The following VAV3 variants were observed in gnomAD, a reference collection of about 807,000 sequenced individuals.
The protein encoded by VAV3 is vav guanine nucleotide exchange factor 3.
Under a neutral mutation model 131.2 loss-of-function variants are expected in VAV3, and 94 were observed. The ratio of observed to expected loss-of-function variants is 0.72; its 90% CI spans 0.61 to 0.85. The LOEUF is 0.85. VAV3 is among the 40% of genes least tolerant of loss of function. The pLI is 0.00. For synonymous variants in VAV3, 349 were observed against 342.0 expected (o/e 1.02, Z -0.22); for missense variants, 939 against 1,002.7 (o/e 0.94, Z 0.86).
chr1:107,806,178 G>A (rs1667052558), intron 2 of VAV3, among the ~76,000 whole-genome samples: 1 of 152,126 alleles, frequency 6.6e-6, no homozygotes, highest in Non-Finnish European at 1.5e-5. Context: ...ATGGGTTTAG[G>A]CAGGGCAGGT....
At chr1:107,747,506 T>C (rs940599026) in intron 15 of VAV3, among the ~76,000 whole-genome samples, 14 of 152,198 alleles carry the variant, frequency 9.2e-5, no homozygotes, top group African/African-American at 3.4e-4. Context: ...TACTAGAATA[T>C]GTTATGTAGT....
At chr1:107,590,232 GT>G (rs1310439167) in intron 25 of VAV3, among the ~76,000 whole-genome samples, 3 of 152,152 alleles carry the variant, frequency 2.0e-5, no homozygotes, top group Non-Finnish European at 4.4e-5. Context: ...TCTACACTTT[GT>G]TTTCAAACTC....
At chr1:107,808,663 T>C (rs930403609) in intron 2 of VAV3, among the ~76,000 whole-genome samples, 3 of 149,110 alleles carry the variant, frequency 2.0e-5, no homozygotes, top group South Asian at 2.1e-4. Flanking sequence ...CTAAATCTTC[T>C]ATAATCTGAA....
chr1:107,620,519 A>T (rs911142895), intron 20 of VAV3, among the ~76,000 whole-genome samples: 5 of 152,086 alleles, frequency 3.3e-5, no homozygotes, highest in African/African-American at 1.2e-4. Context: ...CTAGGTTTGT[A>T]TAACTACACT....
At chr1:107,749,650 A>C in intron 13 of VAV3, 56 bp from the exon 14 acceptor site, 1 of 1,570,408 alleles carries the variant, frequency 6.4e-7, no homozygotes, top group Non-Finnish European at 8.6e-7. Context: ...ATGGGTTATT[A>C]ATTTTTTTGG....
chr1:107,711,971 C>T (rs924537074), intron 15 of VAV3, among the ~76,000 whole-genome samples: 2 of 152,132 alleles, frequency 1.3e-5, no homozygotes, highest in East Asian at 3.9e-4. Flanking sequence ...CAGGTGTGAG[C>T]CACCGTGCCC....
intron 2 of VAV3, among the ~76,000 whole-genome samples, chr1:107,855,743 T>C (rs1026367835): frequency 6.6e-6 from 1 of 151,914 alleles, no homozygotes; most frequent in Non-Finnish European, 1.5e-5. Context: ...CAAAACCTAA[T>C]GAAAAAAAAT....
chr1:107,785,432 G>T (rs1302353675), intron 2 of VAV3: 1 of 1,332,172 alleles, frequency 7.5e-7, no homozygotes, highest in Admixed American at 2.2e-5. Context: ...GGGTTCAAAA[G>T]GAATTCCGAG....
chr1:107,673,319 A>G (rs992226085), intron 19 of VAV3, among the ~76,000 whole-genome samples: 1 of 152,074 alleles, frequency 6.6e-6, no homozygotes, highest in Non-Finnish European at 1.5e-5. Flanking sequence ...ATGTGCATCA[A>G]CCAAGATCCT....
At chr1:107,842,008 T>C (rs1668734756) in intron 2 of VAV3, among the ~76,000 whole-genome samples, 1 of 152,212 alleles carries the variant, frequency 6.6e-6, no homozygotes, top group African/African-American at 2.4e-5. Flanking sequence ...TTAGACAGCA[T>C]TATTCTAGTT....
At chr1:107,638,567 T>G (rs1195136562) in intron 20 of VAV3, among the ~76,000 whole-genome samples, 1 of 152,192 alleles carries the variant, frequency 6.6e-6, no homozygotes, top group African/African-American at 2.4e-5. Flanking sequence ...GTTCAGTGAT[T>G]AGAAGACTCA....
chr1:107,728,324 T>C (rs536110978), intron 15 of VAV3, among the ~76,000 whole-genome samples: 133 of 152,196 alleles, frequency 8.7e-4, no homozygotes, highest in African/African-American at 3.1e-3. Context: ...CTGGTTCCTT[T>C]AATAGTCTCA....
At chr1:107,763,119 C>T (rs906660736) in intron 9 of VAV3, among the ~76,000 whole-genome samples, 12 of 152,268 alleles carry the variant, frequency 7.9e-5, no homozygotes, top group Middle Eastern at 3.4e-3. Context: ...CTGGGGCTTG[C>T]GGCACGCAGC....
intron 2 of VAV3, among the ~76,000 whole-genome samples, chr1:107,830,802 C>T (rs1324479793): frequency 6.6e-6 from 1 of 152,184 alleles, no homozygotes; most frequent in Non-Finnish European, 1.5e-5. Flanking sequence ...ATCCTGGCTT[C>T]AAGCAATCCT....
chr1:107,829,764 T>A (rs1668166289), intron 2 of VAV3, among the ~76,000 whole-genome samples: 1 of 152,194 alleles, frequency 6.6e-6, no homozygotes, highest in Non-Finnish European at 1.5e-5. Flanking sequence ...ATATTTACAA[T>A]GTCAGTCTAG....
chr1:107,586,141 T>A (rs75924637), intron 25 of VAV3, among the ~76,000 whole-genome samples: 1 of 1,894 alleles, frequency 5.3e-4, no homozygotes, highest in African/African-American at 5.7e-4. Context: ...TTGGCATAGT[T>A]TTTTTTTTTT....
At chr1:107,949,068 C>T (rs1674409161) in intron 1 of VAV3, among the ~76,000 whole-genome samples, 2 of 152,130 alleles carry the variant, frequency 1.3e-5, no homozygotes, top group South Asian at 4.1e-4. Context: ...GGAATGGAAA[C>T]TACAATTTCT....
chr1:107,860,392 T>A (rs1669684203), intron 2 of VAV3, among the ~76,000 whole-genome samples: 1 of 144,356 alleles, frequency 6.9e-6, no homozygotes, highest in East Asian at 2.1e-4. Context: ...GTTATCTCTA[T>A]AATAATTTAA....
At chr1:107,603,426 G>A (rs1017340344) in intron 22 of VAV3, among the ~76,000 whole-genome samples, 1 of 152,162 alleles carries the variant, frequency 6.6e-6, no homozygotes, top group Non-Finnish European at 1.5e-5. Context: ...ACACAGAGGA[G>A]TCAGTGGGTA....
Sources: allele counts gnomAD v4.1 joint callset (sites outside exome capture counted in the v4.1 genomes callset), GRCh38; gene constraint gnomAD v4.1.1; transcripts MANE v1.5; gene names NCBI Gene and HGNC (gene_info 2026-07-23, HGNC 2026-07-21).